PLCB4: variants seen among roughly 807,000 people sequenced by gnomAD.
The protein encoded by PLCB4 is phospholipase C beta 4.
A neutral mutation model predicts 178.8 loss-of-function variants in PLCB4; 77 were observed. That is an observed-to-expected ratio of 0.43 (90% CI 0.36 to 0.52). The LOEUF is 0.52. PLCB4 is among the 20% of genes least tolerant of loss of function. PLCB4 has a pLI of 0.00. For missense variants in PLCB4, 1,024 were observed against 1,453.4 expected, an observed-to-expected ratio of 0.70 and a Z score of 4.80; for synonymous variants, 496 against 490.8, an observed-to-expected ratio of 1.01 and a Z score of -0.14.
intron 3 of PLCB4, among the ~76,000 whole-genome samples, chr20:9,305,094 T>G (rs2094750782): frequency 1.4e-5 from 2 of 146,340 alleles, no homozygotes; most frequent in Admixed American, 1.4e-4. Flanking sequence ...AATATTTCTG[T>G]AAACAACCAT....
intron 32 of PLCB4, among the ~76,000 whole-genome samples, chr20:9,451,728 G>A (rs1305629869): frequency 2.0e-5 from 3 of 152,104 alleles, no homozygotes; most frequent in Admixed American, 2.0e-4. Context: ...GTATAGATAG[G>A]TTTGTATGTC....
rs1218511424 is a variant in PLCB4 at position 9,083,649 on chromosome 20, A to T, written c.-134-12638A>T. On this transcript the variant is annotated intron_variant, in intron 1 of 39. Transcript: ENST00000378473. ...ATAATTACGACCATTCGATACTAAGAAAACTGAGTGATTACAGCACTTACT... is the reference window on the plus strand; with the variant it reads ...ATAATTACGACCATTCGATACTAAGTAAACTGAGTGATTACAGCACTTACT... Among the ~76,000 whole-genome samples, 4 of 152,180 alleles carry T rather than the reference A, an allele frequency of 2.6e-5. No individual in the cohort carries two copies. In the East Asian group the frequency reaches 5.8e-4, roughly 22 times the overall value.
chr20:9,192,164 C>T (rs956472865), intron 2 of PLCB4, among the ~76,000 whole-genome samples: 4 of 152,098 alleles, frequency 2.6e-5, no homozygotes, highest in East Asian at 3.9e-4. Flanking sequence ...AGTGAGCCAT[C>T]GAGCCGGCAG....
At chr20:9,122,146 T>C (rs2091979008) in intron 2 of PLCB4, among the ~76,000 whole-genome samples, 1 of 152,180 alleles carries the variant, frequency 6.6e-6, no homozygotes, top group East Asian at 1.9e-4. Flanking sequence ...CATTATTGTA[T>C]TTAAATATTA....
chr20:9,173,112 T>C (rs1158881405), intron 2 of PLCB4, among the ~76,000 whole-genome samples: 3 of 152,190 alleles, frequency 2.0e-5, no homozygotes, highest in Non-Finnish European at 4.4e-5. Flanking sequence ...GCTGAACTCT[T>C]GGTTGGCCTT....
At chr20:9,073,169 T>C (rs1356622173) in intron 1 of PLCB4, among the ~76,000 whole-genome samples, 1 of 152,134 alleles carries the variant, frequency 6.6e-6, no homozygotes, top group Non-Finnish European at 1.5e-5. Flanking sequence ...TGTCTTTGGC[T>C]CCCAGACATG....
At chr20:9,397,179 C>T (rs933185957) in intron 19 of PLCB4, among the ~76,000 whole-genome samples, 1 of 152,212 alleles carries the variant, frequency 6.6e-6, no homozygotes, top group Non-Finnish European at 1.5e-5. Context: ...ACAATGCTCA[C>T]AGTATCTTTA....
chr20:9,202,736 G>A lies in PLCB4; in HGVS notation c.-78-14654G>A, dbSNP rs376529850. Reference sequence around the variant, plus strand: ...CAACTTCGAATTTGTAGATATATCAGCTGCTTTAGTTCCTTTATAAAAACC... The same window carrying A: ...CAACTTCGAATTTGTAGATATATCAACTGCTTTAGTTCCTTTATAAAAACC... On this transcript the variant is annotated intron_variant, in intron 2 of 39. Coordinates refer to ENST00000378473, the MANE Select transcript of PLCB4 (RefSeq NM_001377142.1). Among the ~76,000 whole-genome samples the A allele has an allele frequency of 1.1e-4, 16 of 152,266 alleles. No individual in the cohort carries two copies. The East Asian group carries it at 2.1e-3, about 20-fold the overall frequency.
chr20:9,381,749 A>G (rs1369410917), intron 13 of PLCB4, among the ~76,000 whole-genome samples: 2 of 152,144 alleles, frequency 1.3e-5, no homozygotes, highest in Admixed American at 1.3e-4. Flanking sequence ...CATTGGTACA[A>G]CCATCTTGGG....
chr20:9,247,345 G>A (rs2094136227), intron 3 of PLCB4, among the ~76,000 whole-genome samples: 2 of 152,172 alleles, frequency 1.3e-5, no homozygotes, highest in Admixed American at 6.5e-5. Context: ...CATCACATAA[G>A]TTTGATTAAA....
intron 32 of PLCB4, among the ~76,000 whole-genome samples, chr20:9,452,725 A>G (rs1262011199): frequency 6.6e-6 from 1 of 152,200 alleles, no homozygotes; most frequent in East Asian, 1.9e-4. Context: ...ACAGAAGGCC[A>G]TAGCTCCTGA....
At chr20:9,096,565 T>C (rs2090918273) in intron 2 of PLCB4, among the ~76,000 whole-genome samples, 1 of 152,216 alleles carries the variant, frequency 6.6e-6, no homozygotes, top group African/African-American at 2.4e-5. Context: ...CAGCAGTCAA[T>C]GTATGTGATG....
intron 3 of PLCB4, among the ~76,000 whole-genome samples, chr20:9,222,026 ATTTTATTTTG>A (rs1696391714): frequency 1.4e-5 from 2 of 147,650 alleles, no homozygotes; most frequent in Admixed American, 6.8e-5. Flanking sequence ...CTATTTATTT[ATTTTATTTTG>A]TTTTATTTTA....
chr20:9,413,150 G>A (rs1053261749), intron 25 of PLCB4, among the ~76,000 whole-genome samples: 4 of 152,184 alleles, frequency 2.6e-5, no homozygotes, highest in East Asian at 1.9e-4. Flanking sequence ...TACAGGACCC[G>A]TCGGGCATGG....
chr20:9,422,836 A>G (rs1345846607), intron 27 of PLCB4, among the ~76,000 whole-genome samples: 1 of 152,214 alleles, frequency 6.6e-6, no homozygotes, highest in African/African-American at 2.4e-5. Context: ...GAAATTGGCT[A>G]AGTTACCATG....
At chr20:9,179,866 C>A (rs1339250006) in intron 2 of PLCB4, among the ~76,000 whole-genome samples, 3 of 152,132 alleles carry the variant, frequency 2.0e-5, no homozygotes, top group Non-Finnish European at 2.9e-5. Flanking sequence ...CTTGAAAATT[C>A]TAAAATTATT....
rs577271489 is a variant in PLCB4, at chr20:9,310,363, TATC to T, written c.84+2471_84+2473del. 1.4e-4 allele frequency among the ~76,000 whole-genome samples: 21 copies of T among 152,276 alleles called. No individual in the cohort carries two copies. In the South Asian group the frequency reaches 3.3e-3, roughly 24 times the overall value. On this transcript the variant is annotated intron_variant, in intron 4 of 39. Transcript: ENST00000378473. ...GTCAGCACCATATGATAACTAACGT[TATC>T]ATCATGAACTCAAATAGCAGGTAAA...
intron 18 of PLCB4, 140 bp downstream of exon 18, chr20:9,393,818 C>A: frequency 2.0e-6 from 1 of 490,428 alleles, no homozygotes; most frequent in Non-Finnish European, 3.6e-6. Context: ...CTTTTCAGAG[C>A]AAGATTGCCA....
chr20:9,443,737 A>G (rs1432221256), intron 30 of PLCB4, among the ~76,000 whole-genome samples: 4 of 152,014 alleles, frequency 2.6e-5, no homozygotes, highest in African/African-American at 9.7e-5. Flanking sequence ...CCCTCAATCA[A>G]TCACTTGCAC....
Sources: allele counts gnomAD v4.1 joint callset (sites outside exome capture counted in the v4.1 genomes callset), GRCh38; gene constraint gnomAD v4.1.1; transcripts MANE v1.5; gene names NCBI Gene and HGNC (gene_info 2026-07-23, HGNC 2026-07-21).